The following RXFP2 variants were observed in gnomAD, a reference collection of about 807,000 sequenced individuals.
RXFP2 encodes the protein relaxin family peptide receptor 2.
Under a neutral mutation model 88.6 loss-of-function variants are expected in RXFP2, and 68 were observed. The observed-to-expected ratio is 0.77, with a 90% CI of 0.63 to 0.94. RXFP2 has a LOEUF of 0.94. Among genes scored for constraint, RXFP2 ranks in the 40% least tolerant of loss-of-function variants. The pLI is 0.00. For synonymous variants in RXFP2, 329 were observed against 306.8 expected, an observed-to-expected ratio of 1.07 and a Z score of -0.76; for missense variants, 791 against 893.9, an observed-to-expected ratio of 0.88 and a Z score of 1.47.
At chr13:31,790,238 GACA>G (rs1873730973) in intron 14 of RXFP2, among the ~76,000 whole-genome samples, 1 of 152,064 alleles carries the variant, frequency 6.6e-6, no homozygotes, top group Non-Finnish European at 1.5e-5. Context: ...CCTTTCACCT[GACA>G]ACGAGTAGTG....
intron 13 of RXFP2, 48 bp from the exon 14 acceptor site, chr13:31,789,074 A>T: frequency 9.2e-7 from 1 of 1,088,990 alleles, no homozygotes. Flanking sequence ...TGCAATTATT[A>T]AAACGTTTCA....
chr13:31,750,415 T>C (rs951585520), intron 1 of RXFP2, among the ~76,000 whole-genome samples: 2 of 152,218 alleles, frequency 1.3e-5, no homozygotes, highest in Non-Finnish European at 2.9e-5. Context: ...TGTTAAAATA[T>C]ATGGTAACTC....
At chr13:31,775,178 C>A in intron 6 of RXFP2, 140 bp from the exon 7 acceptor site, 1 of 725,472 alleles carries the variant, frequency 1.4e-6, no homozygotes, top group South Asian at 1.6e-5. Context: ...CTTGAATTTG[C>A]CCCCTCTGCT....
intron 3 of RXFP2, among the ~76,000 whole-genome samples, chr13:31,764,243 TCACACACACACACACACACACACA>T (rs56132108): frequency 2.3e-5 from 3 of 131,690 alleles, no homozygotes; most frequent in East Asian, 2.2e-4. Context: ...TCTCTCTCTT[TCACACACACACACACACACACACA>T]CACACACACA....
At chr13:31,778,609 T>C in intron 9 of RXFP2, 26 bp downstream of exon 9, 1 of 1,492,960 alleles carries the variant, frequency 6.7e-7, no homozygotes, top group South Asian at 1.1e-5. Flanking sequence ...GGAATTAATT[T>C]GTTATTTGCC....
chr13:31,766,263 T>C (rs892839881), intron 5 of RXFP2, among the ~76,000 whole-genome samples: 4 of 152,016 alleles, frequency 2.6e-5, no homozygotes, highest in Non-Finnish European at 5.9e-5. Context: ...GGAGTCGAGG[T>C]AAAACATCTC....
rs760714305 is a variant in RXFP2 at position 31,791,873 on chromosome 13, G to A, written c.1213G>A (p.Gly405Ser). 1.2e-6 allele frequency: 2 copies of A among 1,614,048 alleles called. No individual in the cohort carries two copies. The highest frequency in any genetic ancestry group is 1.1e-5 in the South Asian group (1 of 91,082). ...HVRICMPLTDGISSFEDLLAN... is the reference protein window; with the variant it reads ...HVRICMPLTDSISSFEDLLAN... ...CCGAATATGTATGCCCTTGACGGAC[G>A]GCATTTCTTCATTTGAGGACCTCTT... The change falls in exon 15 of 18, where the codon GGC (glycine) becomes AGC (serine). Residue 405 changes from glycine to serine, a missense_variant. Transcript: ENST00000298386.
rs907769542 is a variant in RXFP2 at position 31,778,649 on chromosome 13, T to C, written c.785+66T>C. The C allele has an allele frequency of 3.8e-5, 42 of 1,101,962 alleles. No individual in the cohort carries two copies. In the Admixed American group the frequency reaches 5.9e-4, roughly 15 times the overall value. The allele number at this position is 1,101,962 out of a possible 1,614,324, so 68.3% of individuals were successfully genotyped here. A position where few individuals can be genotyped will look rare whatever the true frequency, so the allele number is the denominator to read the frequency against. On this transcript the variant is annotated intron_variant, in intron 9 of 17. Transcript: ENST00000298386. ...TTAAGGAAACTAGCCATAAAGTTAATTCAAGGTTACCTAGAAAGTCCATCT... is the reference window on the plus strand; with the variant it reads ...TTAAGGAAACTAGCCATAAAGTTAACTCAAGGTTACCTAGAAAGTCCATCT...
At chr13:31,797,650 C>A (rs1348811576) in intron 17 of RXFP2, among the ~76,000 whole-genome samples, 1 of 152,158 alleles carries the variant, frequency 6.6e-6, no homozygotes, top group Non-Finnish European at 1.5e-5. Flanking sequence ...GAGTATCTTG[C>A]TTCTATCTGA....
At chr13:31,776,284 G>A (rs1469455183) in intron 7 of RXFP2, among the ~76,000 whole-genome samples, 1 of 102,400 alleles carries the variant, frequency 9.8e-6, no homozygotes, top group East Asian at 3.3e-4. Context: ...GAGACAGGGT[G>A]TCACTCTGTC....
intron 1 of RXFP2, among the ~76,000 whole-genome samples, chr13:31,753,517 T>G (rs1871768733): frequency 6.6e-6 from 1 of 152,148 alleles, no homozygotes; most frequent in Non-Finnish European, 1.5e-5. Flanking sequence ...CATGCGGGCA[T>G]CCTCCATTTT....
chr13:31,756,679 T>A (rs1871967328), intron 1 of RXFP2, among the ~76,000 whole-genome samples: 1 of 150,404 alleles, frequency 6.6e-6, no homozygotes, highest in Non-Finnish European at 1.5e-5. Flanking sequence ...TGGAGTGCAG[T>A]GGTGCCATCT....
chr13:31,761,861 C>T, intron 3 of RXFP2, 60 bp downstream of exon 3: 1 of 1,137,166 alleles, frequency 8.8e-7, no homozygotes, highest in Non-Finnish European at 1.3e-6. Context: ...TTGTGATGCA[C>T]AGATTTATAT....
At chr13:31,751,085 T>C (rs1871650366) in intron 1 of RXFP2, among the ~76,000 whole-genome samples, 1 of 151,618 alleles carries the variant, frequency 6.6e-6, no homozygotes. Context: ...AGGTCAGGAG[T>C]TCAAGACCAG....
rs750952697 is a variant in RXFP2 at position 31,739,595 on chromosome 13, C to T, written c.-18C>T. 1.3e-6 allele frequency: 2 copies of T among 1,510,562 alleles called. No individual in the cohort carries two copies. The highest frequency in any genetic ancestry group is 1.8e-6 in the Non-Finnish European group (2 of 1,085,838). The allele number at this position is 1,510,562 out of a possible 1,614,324, so 93.6% of individuals were successfully genotyped here. A position where few individuals can be genotyped will look rare whatever the true frequency, so the allele number is the denominator to read the frequency against. On this transcript the variant is annotated 5_prime_UTR_variant, in exon 1 of 18. Transcript: ENST00000298386. ...AGGTATAAGAGGATACGTCTAATAA[C>T]TCAATTGCTGTAAACCTATGATTGT...
chr13:31,792,216 A>G (rs1283223363), intron 15 of RXFP2, among the ~76,000 whole-genome samples, 181 bp downstream of exon 15: 2 of 152,096 alleles, frequency 1.3e-5, no homozygotes, highest in African/African-American at 4.8e-5. Flanking sequence ...AGGTTGTATG[A>G]CCTTACAGTG....
At chr13:31,767,331 G>A (rs1257581846) in intron 5 of RXFP2, among the ~76,000 whole-genome samples, 2 of 152,102 alleles carry the variant, frequency 1.3e-5, no homozygotes, top group African/African-American at 2.4e-5. Context: ...AAAGTATGTG[G>A]GTATGTGGTC....
intron 15 of RXFP2, 114 bp downstream of exon 15, chr13:31,792,149 C>T (rs1344849480): frequency 1.3e-6 from 1 of 786,834 alleles, no homozygotes; most frequent in African/African-American, 1.8e-5. Flanking sequence ...AATTATACAT[C>T]CTGGGCACAT....
rs1002785298 is a variant in RXFP2, at chr13:31,775,327, C to T, written c.579C>T (p.Asn193=). ...CCCATGCTATTTGTAGATATCTCAA[C>T]CACAACTGCATCACAACCCTCAGAC... ...GLCNLQILYL[N]HNCITTLRPG... is the part of the protein sequence containing the mutation. The change falls in exon 7 of 18, where the codon AAC becomes AAT. Residue 193 remains asparagine (N), a synonymous_variant. Transcript: ENST00000298386. 1 of 1,613,338 alleles carries T rather than the reference C, an allele frequency of 6.2e-7. No homozygotes were observed. The highest frequency in any genetic ancestry group is 8.5e-7 in the Non-Finnish European group (1 of 1,179,334).
Sources: allele counts gnomAD v4.1 joint callset (sites outside exome capture counted in the v4.1 genomes callset), GRCh38; gene constraint gnomAD v4.1.1; transcripts MANE v1.5; gene names NCBI Gene and HGNC (gene_info 2026-07-23, HGNC 2026-07-21).